SLC8A1: variants seen among roughly 807,000 people sequenced by gnomAD.
The protein encoded by SLC8A1 is sodium/calcium exchanger 1.
A neutral mutation model predicts 68.3 loss-of-function variants in SLC8A1; 18 were observed. The observed-to-expected ratio is 0.26, with a 90% CI of 0.18 to 0.39. SLC8A1 has a LOEUF of 0.39. Among genes scored for constraint, SLC8A1 ranks in the 10% least tolerant of loss-of-function variants. The pLI is 1.00. For synonymous variants in SLC8A1, 475 were observed against 415.5 expected (o/e 1.14, Z -1.74); for missense variants, 985 against 1,156.7 (o/e 0.85, Z 2.15).
At chr2:40,104,488 A>T (rs957926547) in exon 8 of SLC8A1, 11 of 152,196 alleles carry the variant, frequency 7.2e-5, no homozygotes, top group African/African-American at 2.7e-4. Context: ...AAATTAAGAA[A>T]ATTAATATTT....
chr2:40,200,226 ATATATATAT>A, intron 2 of SLC8A1, among the ~76,000 whole-genome samples: 1 of 34,028 alleles, frequency 2.9e-5, no homozygotes, highest in Non-Finnish European at 6.2e-5. Context: ...ATATTTTTTT[ATATATATAT>A]ATAAATATAT....
At chr2:40,182,364 T>A (rs973486253) in intron 2 of SLC8A1, among the ~76,000 whole-genome samples, 2 of 152,166 alleles carry the variant, frequency 1.3e-5, no homozygotes, top group East Asian at 3.9e-4. Flanking sequence ...ATTTGAGCAG[T>A]ATACTATAAA....
chr2:40,479,827 C>T (rs1704521354), intron 1 of SLC8A1, among the ~76,000 whole-genome samples: 1 of 152,092 alleles, frequency 6.6e-6, no homozygotes, highest in Non-Finnish European at 1.5e-5. Flanking sequence ...AGTTAGTATC[C>T]CTTGCATTGT....
chr2:40,443,097 C>A (rs1193873485), intron 1 of SLC8A1, among the ~76,000 whole-genome samples: 1 of 151,736 alleles, frequency 6.6e-6, no homozygotes, highest in Non-Finnish European at 1.5e-5. Flanking sequence ...CACACTGGGG[C>A]TTTCTGAGGG....
chr2:40,246,950 AG>A (rs2061958470), intron 2 of SLC8A1, among the ~76,000 whole-genome samples: 1 of 152,220 alleles, frequency 6.6e-6, no homozygotes, highest in South Asian at 2.1e-4. Context: ...AAAAAAAAAA[AG>A]AATATTTTCC....
At chr2:40,424,201 A>T (rs1576378431) in intron 2 of SLC8A1, among the ~76,000 whole-genome samples, 2 of 151,760 alleles carry the variant, frequency 1.3e-5, no homozygotes, top group South Asian at 4.1e-4. Context: ...ATCATTTCTG[A>T]TTTCTCCACA....
chr2:40,344,288 T>G (rs1389246996), intron 2 of SLC8A1, among the ~76,000 whole-genome samples: 1 of 152,156 alleles, frequency 6.6e-6, no homozygotes, highest in African/African-American at 2.4e-5. Context: ...ATGCACTATT[T>G]GCCTGGGATT....
At chr2:40,202,315 C>T (rs2054535198) in intron 2 of SLC8A1, among the ~76,000 whole-genome samples, 1 of 151,970 alleles carries the variant, frequency 6.6e-6, no homozygotes, top group African/African-American at 2.4e-5. Context: ...GCTGTTAGGA[C>T]ACCCCTTCAC....
At chr2:40,423,500 C>G (rs1559621190) in intron 2 of SLC8A1, among the ~76,000 whole-genome samples, 1 of 151,952 alleles carries the variant, frequency 6.6e-6, no homozygotes, top group Non-Finnish European at 1.5e-5. Context: ...TATATAAATT[C>G]TCCTCTGCCC....
At chr2:40,487,000 T>C (rs1350443375) in intron 1 of SLC8A1, among the ~76,000 whole-genome samples, 2 of 151,394 alleles carry the variant, frequency 1.3e-5, no homozygotes, top group Non-Finnish European at 2.9e-5. Flanking sequence ...ATGAGAACAC[T>C]TGGGCACAGG....
intron 2 of SLC8A1, among the ~76,000 whole-genome samples, chr2:40,328,478 A>T (rs1221235545): frequency 6.6e-6 from 1 of 151,612 alleles, no homozygotes; most frequent in Non-Finnish European, 1.5e-5. Context: ...CTCCTTCTTT[A>T]TATATTTCTG....
At chr2:40,321,024 C>G (rs1037737767) in intron 2 of SLC8A1, among the ~76,000 whole-genome samples, 1 of 152,140 alleles carries the variant, frequency 6.6e-6, no homozygotes. Context: ...AGGGAAGAGG[C>G]TGTAAACTCC....
At chr2:40,188,793 C>G (rs945695089) in intron 2 of SLC8A1, among the ~76,000 whole-genome samples, 3 of 152,186 alleles carry the variant, frequency 2.0e-5, no homozygotes, top group African/African-American at 7.2e-5. Flanking sequence ...CCCTCCTTCC[C>G]TCTCTGTGTC....
At chr2:40,362,991 C>A (rs575987951) in intron 2 of SLC8A1, among the ~76,000 whole-genome samples, 3 of 152,076 alleles carry the variant, frequency 2.0e-5, no homozygotes, top group Non-Finnish European at 4.4e-5. Context: ...CCTCCTCAGT[C>A]CCTAGTATGA....
intron 2 of SLC8A1, chr2:40,195,889 A>T (rs765933893): frequency 1.3e-5 from 2 of 152,044 alleles, no homozygotes; most frequent in Admixed American, 6.6e-5. Flanking sequence ...TTAAAAGAAA[A>T]ATCAAAGAAA....
chr2:40,447,695 A>G (rs1490883764), intron 1 of SLC8A1, among the ~76,000 whole-genome samples: 4 of 152,174 alleles, frequency 2.6e-5, no homozygotes, highest in Non-Finnish European at 5.9e-5. Flanking sequence ...ATTAGATAGA[A>G]TTCCTTTATT....
intron 4 of SLC8A1, among the ~76,000 whole-genome samples, chr2:40,171,145 G>T (rs1411726683): frequency 6.6e-6 from 1 of 152,160 alleles, no homozygotes; most frequent in Non-Finnish European, 1.5e-5. Context: ...CTAAACTTGG[G>T]CAAGGTCTTT....
Position 40,348,955 on chromosome 2 carries a change from G to T in SLC8A1, c.1808+79518C>A, listed in dbSNP as rs141418970. 8.5e-3 allele frequency among the ~76,000 whole-genome samples: 1,299 copies of T among 152,248 alleles called. 11 individuals carry two copies. Among genetic ancestry groups the T allele is most frequent in the Middle Eastern group, 0.014 (4 of 294 alleles). ...TAAATGAATCTTCCCACTAATAAAT[G>T]ATTTCTTAATTTCGTGGTGCCATGG... On this transcript the variant is annotated intron_variant, in intron 2 of 7. Transcript: ENST00000406785.
intron 2 of SLC8A1, among the ~76,000 whole-genome samples, chr2:40,249,098 C>G (rs1012152549): frequency 6.6e-6 from 1 of 152,182 alleles, no homozygotes; most frequent in Admixed American, 6.5e-5. Flanking sequence ...GAAACAAACA[C>G]AATGACGTTT....
Sources: allele counts gnomAD v4.1 joint callset (sites outside exome capture counted in the v4.1 genomes callset), GRCh38; gene constraint gnomAD v4.1.1; transcripts MANE v1.5; gene names NCBI Gene and HGNC (gene_info 2026-07-23, HGNC 2026-07-21).